The following LRFN2 variants were observed in gnomAD, a reference collection of about 807,000 sequenced individuals.
The protein encoded by LRFN2 is leucine-rich repeat and fibronectin type-III domain-containing protein 2.
Under a neutral mutation model 37.3 loss-of-function variants are expected in LRFN2, and 18 were observed. The observed-to-expected ratio is 0.48, with a 90% CI of 0.33 to 0.72. The LOEUF (loss-of-function observed/expected upper bound fraction) is 0.72, where lower values mean the gene tolerates loss of function less well. LRFN2 is among the 30% of genes least tolerant of loss of function. LRFN2 has a pLI of 0.02. For missense variants in LRFN2, 1,006 were observed against 1,060.7 expected (o/e 0.95, Z 0.72); for synonymous variants, 556 against 466.6 (o/e 1.19, Z -2.47).
chr6:40,457,774 A>G (rs1764265954), intron 1 of LRFN2, among the ~76,000 whole-genome samples: 1 of 152,150 alleles, frequency 6.6e-6, no homozygotes, highest in South Asian at 2.1e-4. Context: ...ACCAGTATCC[A>G]GCTCTCCTCC....
At position 40,411,134 on chromosome 6, in the gene LRFN2, A is replaced by T. The variant is rs532539625; in HGVS notation, c.1401-18222T>A. Among the ~76,000 whole-genome samples the T allele has an allele frequency of 3.0e-3, 455 of 152,276 alleles. 1 individual carries two copies. The highest frequency in any genetic ancestry group is 5.1e-3 in the Non-Finnish European group (344 of 68,022). On this transcript the variant is annotated intron_variant, in intron 2 of 2. Transcript: ENST00000338305. Reference sequence around the variant, plus strand: ...GTAATTTTCTGGGAGTCTCTCCAGCACTGTTTATTGAGGTGCATGGGTCTG... The same window carrying T: ...GTAATTTTCTGGGAGTCTCTCCAGCTCTGTTTATTGAGGTGCATGGGTCTG...
In LRFN2 at chr6:40,524,585, G is replaced by A. The variant is rs556654959; in HGVS notation, c.-19+62356C>T. ...CTGGCTCACGCAGGCAGGGGGCCGA[G>A]GCGCTCCTTCTCACTCACTCTGTTG... On this transcript the variant is annotated intron_variant, in intron 1 of 2. Transcript: ENST00000338305. Among the ~76,000 whole-genome samples the A allele has an allele frequency of 4.6e-5, 7 of 152,256 alleles. No individual in the cohort carries two copies. The South Asian group carries it at 1.5e-3, about 32-fold the overall frequency.
chr6:40,532,578 C>T (rs1766366227), intron 1 of LRFN2, among the ~76,000 whole-genome samples: 1 of 152,180 alleles, frequency 6.6e-6, no homozygotes, highest in African/African-American at 2.4e-5. Flanking sequence ...AACCATCCCA[C>T]CTCCGCTGCC....
intron 1 of LRFN2, among the ~76,000 whole-genome samples, chr6:40,479,696 C>G (rs746525668): frequency 1.3e-5 from 2 of 152,154 alleles, no homozygotes; most frequent in Non-Finnish European, 2.9e-5. Flanking sequence ...GGAATCCAGC[C>G]AAGTTCGTGG....
intron 1 of LRFN2, among the ~76,000 whole-genome samples, chr6:40,468,287 A>G (rs11965708): frequency 0.038 from 5,831 of 152,146 alleles, 317 homozygotes; most frequent in African/African-American, 0.11. Context: ...CTCTCACTAG[A>G]TGATCCAGGC....
Position 40,399,604 on chromosome 6 carries a change from AT to A in LRFN2, c.1401-6693del, listed in dbSNP as rs1432109201. Among the ~76,000 whole-genome samples the A allele has an allele frequency of 5.3e-5, 8 of 151,046 alleles. No individual in the cohort carries two copies. The South Asian group carries it at 8.4e-4, about 16-fold the overall frequency. ...AGGTGCACGCCACCAAGCCTGGCTAATTTTTTGTATTTGAGTAGAGGCGGGG... is the reference window on the plus strand; with the variant it reads ...AGGTGCACGCCACCAAGCCTGGCTAATTTTTGTATTTGAGTAGAGGCGGGG... On this transcript the variant is annotated intron_variant, in intron 2 of 2. Transcript: ENST00000338305.
chr6:40,454,519 AG>A (rs886303305), intron 1 of LRFN2, among the ~76,000 whole-genome samples: 9 of 152,124 alleles, frequency 5.9e-5, no homozygotes, highest in African/African-American at 2.2e-4. Context: ...GTCATGCTGG[AG>A]GGGGTACGTG....
At position 40,533,171 on chromosome 6, in the gene LRFN2, T is replaced by C. The variant is rs1410668568; in HGVS notation, c.-19+53770A>G. 2.0e-5 allele frequency among the ~76,000 whole-genome samples: 3 copies of C among 152,192 alleles called. No homozygotes were observed. The East Asian group carries it at 5.8e-4, about 29-fold the overall frequency. On this transcript the variant is annotated intron_variant, in intron 1 of 2. Transcript: ENST00000338305. ...GTCTCTGCCTCTGTCTCTGTCTCTC[T>C]GTCTCTCTGTCTCTCTTTCTCTCTC...
chr6:40,586,938 C>T lies in LRFN2; in HGVS notation c.-19+3G>A, dbSNP rs954870988. The stretch of plus-strand genomic sequence containing the variant: ...CAAAGACGCAGCGCCGGCGACCACT[C>T]ACCTGGGCGAGGCAGCATCTACCCC... On this transcript the variant is annotated splice_donor_region_variant and intron_variant, in intron 1 of 2. Coordinates refer to ENST00000338305, the MANE Select transcript of LRFN2 (RefSeq NM_020737.3). The T allele has an allele frequency of 2.0e-5, 3 of 152,284 alleles. No homozygotes were observed. Among genetic ancestry groups the T allele is most frequent in the Non-Finnish European group, 2.9e-5 (2 of 68,038 alleles). The allele number at this position is 152,284 out of a possible 1,614,324, so 9.4% of individuals were successfully genotyped here.
intron 1 of LRFN2, among the ~76,000 whole-genome samples, chr6:40,526,593 A>T (rs1034528720): frequency 6.6e-6 from 1 of 151,700 alleles, no homozygotes; most frequent in Non-Finnish European, 1.5e-5. Context: ...TCTGACTCCC[A>T]CTCTCTGTCC....
chr6:40,555,155 T>C (rs928489564), intron 1 of LRFN2, among the ~76,000 whole-genome samples: 2 of 152,162 alleles, frequency 1.3e-5, no homozygotes, highest in South Asian at 2.1e-4. Flanking sequence ...GGGGCCCCTC[T>C]CCTGCTCCTG....
intron 1 of LRFN2, among the ~76,000 whole-genome samples, chr6:40,583,498 A>T (rs1767443994): frequency 6.6e-6 from 1 of 152,150 alleles, no homozygotes; most frequent in Non-Finnish European, 1.5e-5. Context: ...GTGAAAGTCC[A>T]CCTTTAGTGC....
chr6:40,478,530 A>G (rs1764756931), intron 1 of LRFN2, among the ~76,000 whole-genome samples: 2 of 152,252 alleles, frequency 1.3e-5, no homozygotes, highest in African/African-American at 4.8e-5. Context: ...GCTGGAAAGC[A>G]GCAGTGAGGA....
chr6:40,488,788 C>T (rs779881358), intron 1 of LRFN2, among the ~76,000 whole-genome samples: 3 of 152,174 alleles, frequency 2.0e-5, no homozygotes, highest in Non-Finnish European at 4.4e-5. Flanking sequence ...TTTCTGCCTC[C>T]TCTGCCTCCT....
At chr6:40,396,612 G>T (rs1762619291) in intron 2 of LRFN2, among the ~76,000 whole-genome samples, 1 of 152,072 alleles carries the variant, frequency 6.6e-6, no homozygotes, top group Non-Finnish European at 1.5e-5. Context: ...TGGCCCATCA[G>T]AAACAAGGCC....
intron 2 of LRFN2, among the ~76,000 whole-genome samples, chr6:40,418,785 G>A (rs1485685485): frequency 6.6e-6 from 1 of 152,188 alleles, no homozygotes; most frequent in African/African-American, 2.4e-5. Flanking sequence ...GTTAACATGA[G>A]TCCAAATAAG....
At position 40,392,249 on chromosome 6, in the gene LRFN2, G is replaced by A; in HGVS notation, c.2064C>T (p.Ala688=). ...GCTCTCGGTCCGAGTGGTGGCCCCG[G>A]GCCGACGTCCCAGCCCCTCTCCCGG... is the stretch of plus-strand genomic sequence containing the variant. ...TPAGRGAGTS[A]RGHHSDREPL... is the part of the protein sequence containing the mutation. The change falls in exon 3 of 3, where the codon GCC becomes GCT. Residue 688 remains alanine (A), a synonymous_variant. Coordinates refer to ENST00000338305, the MANE Select transcript of LRFN2 (RefSeq NM_020737.3). The surrounding 1 kb of genome is among the most constrained non-coding windows in gnomAD (Gnocchi z 4.7). 1 of 1,580,786 alleles carries A rather than the reference G, an allele frequency of 6.3e-7. No homozygotes were observed. The highest frequency in any genetic ancestry group is 8.6e-7 in the Non-Finnish European group (1 of 1,165,794).
chr6:40,405,980 G>A (rs779748700), intron 2 of LRFN2, among the ~76,000 whole-genome samples: 4 of 152,170 alleles, frequency 2.6e-5, no homozygotes, highest in South Asian at 2.1e-4. Flanking sequence ...TGGGAAAGTC[G>A]CAGCCCAAGT....
chr6:40,509,048 A>G (rs1765620859), intron 1 of LRFN2, among the ~76,000 whole-genome samples: 1 of 152,154 alleles, frequency 6.6e-6, no homozygotes, highest in Admixed American at 6.5e-5. Context: ...TGCACTAGAG[A>G]TGTGTGGGGA....
Sources: gnomAD v4.1 joint callset for allele counts (sites outside exome capture counted in the v4.1 genomes callset) on GRCh38, gnomAD v4.1.1 for gene constraint, Gnocchi (gnomAD v3.1) non-coding constraint, MANE v1.5 for transcripts, NCBI Gene and HGNC (gene_info 2026-07-23, HGNC 2026-07-21) for gene names.